SNX19: variants seen among roughly 807,000 people sequenced by gnomAD.
The protein encoded by SNX19 is sorting nexin-19.
In SNX19, 60 loss-of-function variants were observed where a neutral mutation model predicts 85.2. The observed-to-expected ratio is 0.70, with a 90% CI of 0.57 to 0.87. SNX19 has a LOEUF of 0.87. Among genes scored for constraint, SNX19 ranks in the 40% least tolerant of loss-of-function variants. The probability of loss-of-function intolerance (pLI) is 0.00; values close to 1 mark genes in which losing one functional copy is unlikely to be tolerated. For missense variants in SNX19, 1,201 were observed against 1,217.8 expected (o/e 0.99, Z 0.21); for synonymous variants, 520 against 470.0 (o/e 1.11, Z -1.38).
In SNX19 at chr11:130,874,393, C is replaced by G. The variant is rs768413216; in HGVS notation, c.*4029G>C. On this transcript the variant is annotated 3_prime_UTR_variant, in exon 11 of 11. Coordinates refer to ENST00000265909, the MANE Select transcript of SNX19 (RefSeq NM_014758.3). ...CTTAGAAGAAAACACAGAAGAGATGCTCCTGTTCTTTTATGAATGTTATCT... is the reference window on the plus strand; with the variant it reads ...CTTAGAAGAAAACACAGAAGAGATGGTCCTGTTCTTTTATGAATGTTATCT... Among the ~76,000 whole-genome samples, 3 of 152,178 alleles carry G rather than the reference C, an allele frequency of 2.0e-5. No individual in the cohort carries two copies. Among genetic ancestry groups the G allele is most frequent in the Non-Finnish European group, 2.9e-5 (2 of 68,040 alleles).
chr11:130,894,488 C>G (rs762599870), intron 8 of SNX19, among the ~76,000 whole-genome samples: 1 of 152,186 alleles, frequency 6.6e-6, no homozygotes. Context: ...GTAGAGCAAG[C>G]CAGGGAATGG....
At chr11:130,878,582 G>A (rs1485847483) in intron 10 of SNX19, 28 bp from the exon 11 acceptor site, 6 of 1,606,532 alleles carry the variant, frequency 3.7e-6, no homozygotes, top group Non-Finnish European at 3.4e-6. Flanking sequence ...AAAACTTAGG[G>A]TCTGGCTCAA....
Position 130,871,782 on chromosome 11 carries a change from G to A in SNX19, c.*6640C>T, listed in dbSNP as rs1943038092. ...CCAACTCTTCTTTGCTTATAACAGG[G>A]TGCAGCAGTAACATGGAACATAAGG... is the stretch of plus-strand genomic sequence containing the variant. On this transcript the variant is annotated 3_prime_UTR_variant, in exon 11 of 11. Coordinates refer to ENST00000265909, the MANE Select transcript of SNX19 (RefSeq NM_014758.3). Among the ~76,000 whole-genome samples, 1 of 152,124 alleles carries A rather than the reference G, an allele frequency of 6.6e-6. No individual in the cohort carries two copies.
Position 130,874,013 on chromosome 11 carries a change from T to TAAG in SNX19, c.*4406_*4408dup, listed in dbSNP as rs1453350618. Among the ~76,000 whole-genome samples the TAAG allele has an allele frequency of 1.4e-5, 2 of 145,300 alleles. No homozygotes were observed. The highest frequency in any genetic ancestry group is 5.0e-5 in the African/African-American group (2 of 39,664). Reference sequence around the variant, plus strand: ...GTGGGTGGTTCTAGCCAATGAGTCATAAGAGGTTTTTTGTTTTTTTTTTTT... The same window carrying TAAG: ...GTGGGTGGTTCTAGCCAATGAGTCATAAGAAGAGGTTTTTTGTTTTTTTTTTTT... On this transcript the variant is annotated 3_prime_UTR_variant, in exon 11 of 11. Transcript: ENST00000265909.
intron 8 of SNX19, among the ~76,000 whole-genome samples, chr11:130,897,257 C>T (rs545216327): frequency 1.3e-5 from 2 of 152,120 alleles, no homozygotes; most frequent in East Asian, 3.9e-4. Context: ...TGGATACTTC[C>T]TAACTTTACA....
chr11:130,884,416 GA>G (rs1943901922), intron 8 of SNX19, among the ~76,000 whole-genome samples: 1 of 152,162 alleles, frequency 6.6e-6, no homozygotes, highest in African/African-American at 2.4e-5. Flanking sequence ...TCTTTAAGTG[GA>G]AGGGATGGAA....
In SNX19 at chr11:130,915,554, T is replaced by C. The variant is rs753902352; in HGVS notation, c.386A>G (p.Glu129Gly). ...CCCTTTCATGGCTGCCTCCATTTCT[T>C]CCTCAAAGGCTGGCTCCTGGCTCAC... ...RSVSQEPAFE[E>G]EMEAAMKGLV... Residue 129 changes from glutamate to glycine, a missense_variant, in exon 1 of 11, where the codon GAA becomes GGA. Physicochemically the swap from Glu to Gly is moderately conservative, Grantham distance 98 (BLOSUM62 -2). Coordinates refer to ENST00000265909, the MANE Select transcript of SNX19 (RefSeq NM_014758.3). 1.2e-6 allele frequency: 2 copies of C among 1,614,192 alleles called. No individual in the cohort carries two copies. Among genetic ancestry groups the C allele is most frequent in the Non-Finnish European group, 1.7e-6 (2 of 1,180,028 alleles).
intron 6 of SNX19, 126 bp from the exon 7 acceptor site, chr11:130,906,259 G>C: frequency 1.1e-6 from 1 of 912,042 alleles, no homozygotes; most frequent in Non-Finnish European, 1.6e-6. Context: ...CTGATGCTAT[G>C]ACTCCTTTAG....
chr11:130,886,958 T>C (rs1239829253), intron 8 of SNX19, among the ~76,000 whole-genome samples: 1 of 152,178 alleles, frequency 6.6e-6, no homozygotes, highest in East Asian at 1.9e-4. Flanking sequence ...TGGGGAAGAA[T>C]GAGGAGGAAA....
intron 6 of SNX19, 49 bp downstream of exon 6, chr11:130,906,576 C>A: frequency 7.7e-7 from 1 of 1,305,000 alleles, no homozygotes; most frequent in Non-Finnish European, 1.1e-6. Context: ...ACTGCAGGAC[C>A]AACATCTCAG....
At position 130,880,878 on chromosome 11, in the gene SNX19, T is replaced by C. The variant is rs1943621921; in HGVS notation, c.2574-72A>G. 3 of 1,278,574 alleles carry C rather than the reference T, an allele frequency of 2.3e-6. No homozygotes were observed. The African/African-American group carries it at 4.4e-5, about 19-fold the overall frequency. The allele number at this position is 1,278,574 out of a possible 1,614,324, so 79.2% of individuals were successfully genotyped here. On this transcript the variant is annotated intron_variant, in intron 8 of 10. Transcript: ENST00000265909. ...AAATAACAAGGCAGCGGACTGACTG[T>C]TTATGTTCCCCTGCAGATTCGTGTG...
At position 130,895,588 on chromosome 11, in the gene SNX19, ATG is replaced by A. The variant is rs1399093990; in HGVS notation, c.2573+7665_2573+7666del. 1.9e-3 allele frequency among the ~76,000 whole-genome samples: 285 copies of A among 152,280 alleles called. 1 individual carries two copies. Among genetic ancestry groups the A allele is most frequent in the Non-Finnish European group, 3.5e-3 (235 of 68,018 alleles). The stretch of plus-strand genomic sequence containing the variant: ...GTTTGCAGTCACAGATGGGCAAGAG[ATG>A]CCAAGAACCTGACTTGGAAAAAAAG... On this transcript the variant is annotated intron_variant, in intron 8 of 10. Coordinates refer to ENST00000265909, the MANE Select transcript of SNX19 (RefSeq NM_014758.3).
At chr11:130,913,036 A>G (rs1302181300) in intron 1 of SNX19, among the ~76,000 whole-genome samples, 1 of 152,208 alleles carries the variant, frequency 6.6e-6, no homozygotes, top group African/African-American at 2.4e-5. Flanking sequence ...GCTTAATTGA[A>G]GCAGTAGCAG....
At chr11:130,893,260 T>C (rs931895426) in intron 8 of SNX19, among the ~76,000 whole-genome samples, 4 of 152,142 alleles carry the variant, frequency 2.6e-5, no homozygotes, top group African/African-American at 9.7e-5. Context: ...ATATTACGGA[T>C]AACAGATTTA....
rs1478903171 is a variant in SNX19 at position 130,878,010 on chromosome 11, T to C, written c.*412A>G. The C allele has an allele frequency of 6.5e-6, 1 of 153,636 alleles. No homozygotes were observed. Among genetic ancestry groups the C allele is most frequent in the Non-Finnish European group, 1.4e-5 (1 of 69,084 alleles). 9.5% of individuals were successfully genotyped at this position (153,636 alleles called of 1,614,324 possible). ...GGTTGTTTTCTCCTCCAAGGAAATC[T>C]GGCCACAGTTTTTTTCCTGTTCTAT... On this transcript the variant is annotated 3_prime_UTR_variant, in exon 11 of 11. Coordinates refer to ENST00000265909, the MANE Select transcript of SNX19 (RefSeq NM_014758.3).
In SNX19 at chr11:130,880,689, T is replaced by C. The variant is rs1175621578; in HGVS notation, c.2691A>G (p.Val897=). 1.2e-6 allele frequency: 2 copies of C among 1,612,582 alleles called. No homozygotes were observed. Among genetic ancestry groups the C allele is most frequent in the South Asian group, 2.2e-5 (2 of 90,898 alleles). ...GGVLPKFPRP[V]RTQEQKLAAE... is the part of the protein sequence containing the mutation. Reference sequence around the variant, plus strand: ...CAGCCAGTTTCTGCTCTTGGGTCCTTACGGGCCGTGGAAACTTAGGCAAAA... The same window carrying C: ...CAGCCAGTTTCTGCTCTTGGGTCCTCACGGGCCGTGGAAACTTAGGCAAAA... Residue 897 remains valine (V), a synonymous_variant, in exon 9 of 11, where the codon GTA becomes GTG. Coordinates refer to ENST00000265909, the MANE Select transcript of SNX19 (RefSeq NM_014758.3).
intron 8 of SNX19, chr11:130,892,811 TC>T: frequency 6.6e-6 from 1 of 152,344 alleles, no homozygotes; most frequent in East Asian, 1.9e-4. Flanking sequence ...TCTTTCCTTG[TC>T]CCCGTGTGAA....
chr11:130,878,261 C>A lies in SNX19; in HGVS notation c.*161G>T, dbSNP rs1943380883. 2.8e-6 allele frequency: 2 copies of A among 710,736 alleles called. No individual in the cohort carries two copies. Among genetic ancestry groups the A allele is most frequent in the Non-Finnish European group, 4.5e-6 (2 of 442,426 alleles). The allele number at this position is 710,736 out of a possible 1,614,324, so 44.0% of individuals were successfully genotyped here. ...ACAACTGGGACACACAGACCCCTGT[C>A]ACCTGCTACAAATGGAGCAGAAGTG... On this transcript the variant is annotated 3_prime_UTR_variant, in exon 11 of 11. Coordinates refer to ENST00000265909, the MANE Select transcript of SNX19 (RefSeq NM_014758.3).
intron 8 of SNX19, among the ~76,000 whole-genome samples, chr11:130,900,760 C>T (rs1945208181): frequency 6.6e-6 from 1 of 151,992 alleles, no homozygotes; most frequent in Admixed American, 6.6e-5. Context: ...CACACACTAG[C>T]TAGTTTTGGG....
Sources: gnomAD v4.1 joint callset for allele counts (sites outside exome capture counted in the v4.1 genomes callset) on GRCh38, gnomAD v4.1.1 for gene constraint, MANE v1.5 for transcripts, NCBI Gene and HGNC (gene_info 2026-07-23, HGNC 2026-07-21) for gene names.